DLGAP1: variants seen among roughly 807,000 people sequenced by gnomAD.
DLGAP1 encodes DLG associated protein 1, also known as disks large-associated protein 1.
In DLGAP1, 11 loss-of-function variants were observed where a neutral mutation model predicts 90.8. That is an observed-to-expected ratio of 0.12 (90% CI 0.08 to 0.20). DLGAP1 has a LOEUF of 0.20. DLGAP1 is among the 10% of genes least tolerant of loss of function. The pLI, the probability that DLGAP1 is intolerant of heterozygous loss-of-function variation, is 1.00. For missense variants in DLGAP1, 1,050 were observed against 1,333.8 expected (o/e 0.79, Z 3.31); for synonymous variants, 558 against 540.7 (o/e 1.03, Z -0.44).
In DLGAP1 at chr18:4,454,406, T is replaced by TTCTCTCTCTCTC. The variant is rs1555621484; in HGVS notation, c.-267+588_-267+599dup. Among the ~76,000 whole-genome samples the TTCTCTCTCTCTC allele has an allele frequency of 3.2e-3, 480 of 150,584 alleles. 5 individuals are homozygous for TTCTCTCTCTCTC. In the East Asian group the frequency reaches 0.051, roughly 16 times the overall value. ...CAGTGACCTCCTCCTTGGACCCCAT[T>TTCTCTCTCTCTC]TCTCTCTCTCTCTCTCTCTCTGTGC... On this transcript the variant is annotated intron_variant, in intron 1 of 12. Transcript: ENST00000315677. This position sits in a 1 kb window ranked among gnomAD's most constrained non-coding sequence, Gnocchi z 4.7.
At chr18:4,142,163 C>G (rs1352380470) in intron 2 of DLGAP1, among the ~76,000 whole-genome samples, 2 of 152,060 alleles carry the variant, frequency 1.3e-5, no homozygotes, top group African/African-American at 4.8e-5. Flanking sequence ...ACATTCTTAC[C>G]ATTTAAACAA....
intron 9 of DLGAP1, among the ~76,000 whole-genome samples, chr18:3,540,469 C>CAAAAAAAAA (rs60740209): frequency 0.01 from 591 of 57,994 alleles, 9 homozygotes; most frequent in African/African-American, 0.029. Context: ...GGCCCTGTGT[C>CAAAAAAAAA]AAAAAAAAAA....
chr18:3,790,516 G>A (rs2065683845), intron 5 of DLGAP1, among the ~76,000 whole-genome samples: 1 of 152,090 alleles, frequency 6.6e-6, no homozygotes, highest in African/African-American at 2.4e-5. Context: ...TGATCCTCCT[G>A]CCTTGGCCTC....
chr18:4,366,228 T>A (rs563624101), intron 1 of DLGAP1, among the ~76,000 whole-genome samples: 2 of 152,082 alleles, frequency 1.3e-5, no homozygotes, highest in South Asian at 4.1e-4. Context: ...TACTGAATAA[T>A]CTTTTAAAAA....
intron 5 of DLGAP1, among the ~76,000 whole-genome samples, chr18:3,772,346 CTCTTTCTTTCTTTCTTTCTT>C (rs869167707): frequency 0.026 from 364 of 14,228 alleles, 11 homozygotes; most frequent in African/African-American, 0.045. Context: ...CTCTCTCTCT[CTCTTTCTTTCTTTCTTTCTT>C]TCTTTCTTTC....
intron 2 of DLGAP1, among the ~76,000 whole-genome samples, chr18:4,096,988 T>C (rs1011282841): frequency 1.7e-4 from 26 of 152,224 alleles, no homozygotes; most frequent in Admixed American, 1.4e-3. Context: ...GGTCGGTATA[T>C]TTTTGTCATC....
intron 7 of DLGAP1, among the ~76,000 whole-genome samples, chr18:3,598,887 C>G (rs890462958): frequency 1.3e-5 from 2 of 152,130 alleles, no homozygotes; most frequent in Non-Finnish European, 2.9e-5. Context: ...AACCTTCTGC[C>G]TCAGCCTCCT....
intron 2 of DLGAP1, among the ~76,000 whole-genome samples, chr18:4,100,781 C>T (rs2075767572): frequency 6.6e-6 from 1 of 152,238 alleles, no homozygotes; most frequent in Non-Finnish European, 1.5e-5. Flanking sequence ...TGCTGCTTCA[C>T]TTTCACTTTT....
At chr18:3,874,404 C>CT in intron 4 of DLGAP1, 1 of 1,445,748 alleles carries the variant, frequency 6.9e-7, no homozygotes, top group Non-Finnish European at 9.1e-7. Flanking sequence ...AGGGATTTTT[C>CT]TTTTAGGTTA....
intron 1 of DLGAP1, among the ~76,000 whole-genome samples, chr18:4,364,373 T>A (rs1214078298): frequency 1.3e-5 from 2 of 151,456 alleles, no homozygotes; most frequent in Non-Finnish European, 2.9e-5. Context: ...AACCTGCACA[T>A]TGTGCACATG....
intron 7 of DLGAP1, among the ~76,000 whole-genome samples, chr18:3,601,846 G>GAAAAAAAA (rs60470269): frequency 0.32 from 30,838 of 96,306 alleles, 5,749 homozygotes; most frequent in Non-Finnish European, 0.36. Context: ...CTCCATCTCG[G>GAAAAAAAA]AAAAAAAAAA....
chr18:3,543,248 G>A (rs1351620550), intron 9 of DLGAP1, among the ~76,000 whole-genome samples: 1 of 144,306 alleles, frequency 6.9e-6, no homozygotes, highest in Admixed American at 7.3e-5. Context: ...TCGGCTCACT[G>A]CAAGCTCCGC....
chr18:3,772,444 T>TC lies in DLGAP1; in HGVS notation c.1173-29933dup, dbSNP rs1273066350. 1.1e-4 allele frequency among the ~76,000 whole-genome samples: 5 copies of TC among 44,444 alleles called. No individual in the cohort carries two copies. The East Asian group carries it at 3.9e-3, about 35-fold the overall frequency. The allele number at this position is 44,444 out of a possible 152,430, so 29.2% of individuals were successfully genotyped here. ...TTTCCTTCCTTCCTCCCTCCCTCCC[T>TC]CCCCCCCACCCCCCTCTTTCTTTCT... On this transcript the variant is annotated intron_variant, in intron 5 of 12. Coordinates refer to ENST00000315677, the MANE Select transcript of DLGAP1 (RefSeq NM_004746.4).
intron 2 of DLGAP1, among the ~76,000 whole-genome samples, chr18:4,097,884 T>C (rs151243983): frequency 0.011 from 1,618 of 152,302 alleles, 28 homozygotes; most frequent in South Asian, 0.042. Flanking sequence ...ATAATTTTAA[T>C]CTCTCATATA....
At chr18:4,410,227 A>G (rs1449714680) in intron 1 of DLGAP1, among the ~76,000 whole-genome samples, 1 of 152,192 alleles carries the variant, frequency 6.6e-6, no homozygotes, top group Non-Finnish European at 1.5e-5. Flanking sequence ...TGATGGGTGC[A>G]CCAGGTTCTC....
At chr18:3,931,705 T>C (rs2072519266) in intron 3 of DLGAP1, among the ~76,000 whole-genome samples, 1 of 152,220 alleles carries the variant, frequency 6.6e-6, no homozygotes, top group Non-Finnish European at 1.5e-5. Context: ...AACATCCTCC[T>C]TCTTGTAAAC....
At chr18:4,049,348 C>G (rs2075099815) in intron 2 of DLGAP1, among the ~76,000 whole-genome samples, 1 of 152,122 alleles carries the variant, frequency 6.6e-6, no homozygotes, top group Non-Finnish European at 1.5e-5. Context: ...CTCCTGCCAA[C>G]TTAGCCCTGC....
chr18:4,172,797 A>AT (rs1159244504), intron 1 of DLGAP1, among the ~76,000 whole-genome samples: 1 of 152,234 alleles, frequency 6.6e-6, no homozygotes, highest in Non-Finnish European at 1.5e-5. Context: ...CAGACATGAC[A>AT]TTTTTTCTGC....
chr18:3,874,415 A>G, intron 4 of DLGAP1: 1 of 1,441,564 alleles, frequency 6.9e-7, no homozygotes, highest in African/African-American at 1.4e-5. Flanking sequence ...TTTTAGGTTA[A>G]CAGTTGGAAA....
Sources: gnomAD v4.1 joint callset for allele counts (sites outside exome capture counted in the v4.1 genomes callset) on GRCh38, gnomAD v4.1.1 for gene constraint, Gnocchi (gnomAD v3.1) non-coding constraint, MANE v1.5 for transcripts, NCBI Gene and HGNC (gene_info 2026-07-23, HGNC 2026-07-21) for gene names.